Variants in MAGI2 observed in about 807,000 individuals in gnomAD.
MAGI2 encodes membrane associated guanylate kinase, WW and PDZ domain containing 2.
In MAGI2, 35 loss-of-function variants were observed where a neutral mutation model predicts 133.3. The ratio of observed to expected loss-of-function variants is 0.26; its 90% confidence interval spans 0.20 to 0.35. MAGI2 has a LOEUF of 0.35. Ranked by LOEUF, MAGI2 falls within the 10% of genes least tolerant of loss-of-function variation. MAGI2 has a pLI of 1.00. For synonymous variants in MAGI2, 729 were observed against 710.6 expected, an observed-to-expected ratio of 1.03 and a Z score of -0.41; for missense variants, 1,636 against 1,863.4, an observed-to-expected ratio of 0.88 and a Z score of 2.25.
Position 78,095,233 on chromosome 7 carries a change from ACTTTTTTGGAAGATAGTAAAT to A in MAGI2, c.3568-16169_3568-16149del, listed in dbSNP as rs1817588900. Among the ~76,000 whole-genome samples, 3 of 152,190 alleles carry A rather than the reference ACTTTTTTGGAAGATAGTAAAT, an allele frequency of 2.0e-5. No individual in the cohort carries two copies. The South Asian group carries it at 6.2e-4, about 32-fold the overall frequency. ...GTCTCTCGTGAGGATGATTTGGGTTACTTTTTTGGAAGATAGTAAATCTTTTTTGGAAGACCTCTCCATATT... is the reference window on the plus strand; with the variant it reads ...GTCTCTCGTGAGGATGATTTGGGTTACTTTTTTGGAAGACCTCTCCATATT... On this transcript the variant is annotated intron_variant, in intron 20 of 21. Transcript: ENST00000354212.
At chr7:79,064,272 G>A (rs1313114723) in intron 1 of MAGI2, among the ~76,000 whole-genome samples, 1 of 151,952 alleles carries the variant, frequency 6.6e-6, no homozygotes, top group East Asian at 1.9e-4. Flanking sequence ...GTAGAAAGTA[G>A]TATTACAAAT....
chr7:78,891,595 A>G (rs1274895580), intron 2 of MAGI2, among the ~76,000 whole-genome samples: 1 of 152,234 alleles, frequency 6.6e-6, no homozygotes, highest in Non-Finnish European at 1.5e-5. Flanking sequence ...AATAAATGTA[A>G]TGCATCATGT....
chr7:78,624,025 C>T (rs1023220105), intron 3 of MAGI2, among the ~76,000 whole-genome samples: 4 of 152,030 alleles, frequency 2.6e-5, no homozygotes, highest in African/African-American at 9.7e-5. Context: ...AATAGCCATT[C>T]TGACATGTGA....
At chr7:78,265,960 C>T (rs1793959505) in intron 9 of MAGI2, among the ~76,000 whole-genome samples, 1 of 152,144 alleles carries the variant, frequency 6.6e-6, no homozygotes, top group Non-Finnish European at 1.5e-5. Context: ...TGTCTCTGGT[C>T]ACACTTTCCA....
At chr7:79,013,182 G>T (rs1562787206) in intron 1 of MAGI2, among the ~76,000 whole-genome samples, 1 of 149,750 alleles carries the variant, frequency 6.7e-6, no homozygotes, top group Non-Finnish European at 1.5e-5. Context: ...TTGGTAACAA[G>T]ACAACCAAAT....
intron 6 of MAGI2, among the ~76,000 whole-genome samples, chr7:78,459,501 C>T (rs1789731805): frequency 6.6e-6 from 1 of 152,132 alleles, no homozygotes; most frequent in South Asian, 2.1e-4. Flanking sequence ...TCAATTACTT[C>T]ATACTTACAT....
chr7:78,380,799 C>T (rs372770236), intron 6 of MAGI2, among the ~76,000 whole-genome samples: 9 of 152,032 alleles, frequency 5.9e-5, no homozygotes, highest in African/African-American at 9.7e-5. Context: ...TTTATCCTCA[C>T]GAGATTATTA....
intron 1 of MAGI2, among the ~76,000 whole-genome samples, chr7:79,272,176 G>A (rs934805266): frequency 1.1e-4 from 17 of 151,920 alleles, no homozygotes; most frequent in Non-Finnish European, 1.5e-4. Flanking sequence ...AAATAACACT[G>A]GTACATTCAC....
intron 1 of MAGI2, among the ~76,000 whole-genome samples, chr7:79,174,526 T>A (rs973374335): frequency 4.6e-5 from 7 of 151,900 alleles, no homozygotes; most frequent in Non-Finnish European, 1.0e-4. Context: ...AAGAAACGTA[T>A]ACCCTTCATG....
intron 2 of MAGI2, among the ~76,000 whole-genome samples, chr7:78,786,499 CA>C (rs1417531362): frequency 2.6e-5 from 4 of 152,204 alleles, no homozygotes; most frequent in Admixed American, 2.0e-4. Context: ...TCTAAGCCCC[CA>C]CCTCTCTGAA....
intron 1 of MAGI2, among the ~76,000 whole-genome samples, chr7:79,429,547 C>T (rs748821962): frequency 1.8e-4 from 27 of 152,172 alleles, no homozygotes; most frequent in Admixed American, 5.9e-4. Flanking sequence ...TCAAGTGATC[C>T]GCCTGCTGTA....
chr7:78,709,430 T>A (rs1402286344), intron 2 of MAGI2, among the ~76,000 whole-genome samples: 1 of 152,222 alleles, frequency 6.6e-6, no homozygotes, highest in Non-Finnish European at 1.5e-5. Context: ...CCTCAATACT[T>A]ACCTGTGATT....
In MAGI2 at chr7:78,201,180, T is replaced by C. The variant is rs146523529; in HGVS notation, c.2061A>G (p.Pro687=). 6.7e-7 allele frequency: 1 copy of C among 1,486,450 alleles called. No individual in the cohort carries two copies. The highest frequency in any genetic ancestry group is 8.9e-7 in the Non-Finnish European group (1 of 1,117,700). 92.1% of individuals were successfully genotyped at this position (1,486,450 alleles called of 1,614,324 possible). Residue 687 remains proline (P), a synonymous_variant, in exon 11 of 22, where the codon CCA becomes CCG. Transcript: ENST00000354212. ...AACTTACAGGCTTTGGAGTTTTCCA[T>C]GGAGAAAAGAAACCTGTAATAAAGA... is the stretch of plus-strand genomic sequence containing the variant. The part of the protein sequence containing the change: ...LIIHRGGFFS[P]WKTPKPIMDR...
At position 79,295,061 on chromosome 7, in the gene MAGI2, G is replaced by A. The variant is rs894146086; in HGVS notation, c.301+157959C>T. Among the ~76,000 whole-genome samples the A allele has an allele frequency of 5.9e-5, 9 of 152,132 alleles. No individual in the cohort carries two copies. In the South Asian group the frequency reaches 1.2e-3, roughly 21 times the overall value. ...CCATATTGTGGTAGTTCTTTTAGTG[G>A]TTGAAATTAATGAAATTCTCTGGAG... is the stretch of plus-strand genomic sequence containing the variant. On this transcript the variant is annotated intron_variant, in intron 1 of 21. Coordinates refer to ENST00000354212, the MANE Select transcript of MAGI2 (RefSeq NM_012301.4).
chr7:79,022,072 T>C (rs1387984081), intron 1 of MAGI2, among the ~76,000 whole-genome samples: 1 of 152,196 alleles, frequency 6.6e-6, no homozygotes, highest in Non-Finnish European at 1.5e-5. Flanking sequence ...ATTATAAGTT[T>C]CCTGAGGCCT....
chr7:78,621,143 T>C (rs1807690715), intron 3 of MAGI2: 2 of 151,956 alleles, frequency 1.3e-5, no homozygotes, highest in Admixed American at 1.3e-4. Context: ...TTGCAGGTAC[T>C]TGGAGTACCT....
At chr7:78,123,589 C>A (rs1223282311) in intron 20 of MAGI2, among the ~76,000 whole-genome samples, 1 of 152,170 alleles carries the variant, frequency 6.6e-6, no homozygotes, top group Non-Finnish European at 1.5e-5. Context: ...GCTGAGTAAC[C>A]AGTGGGCAGG....
At chr7:79,356,661 A>C (rs2129116989) in intron 1 of MAGI2, among the ~76,000 whole-genome samples, 1 of 152,320 alleles carries the variant, frequency 6.6e-6, no homozygotes, top group Admixed American at 6.5e-5. Context: ...GATGAAAGAA[A>C]CTGACTATAA....
chr7:78,579,295 C>T (rs1472983414), intron 3 of MAGI2, among the ~76,000 whole-genome samples: 1 of 152,138 alleles, frequency 6.6e-6, no homozygotes, highest in Non-Finnish European at 1.5e-5. Flanking sequence ...AAATACATAT[C>T]AGATGGGTGA....
Sources: allele counts gnomAD v4.1 joint callset (sites outside exome capture counted in the v4.1 genomes callset), GRCh38; gene constraint gnomAD v4.1.1; transcripts MANE v1.5; gene names NCBI Gene and HGNC (gene_info 2026-07-23, HGNC 2026-07-21).